Variants in UBE2E2 observed in about 807,000 individuals in gnomAD.
UBE2E2 encodes ubiquitin conjugating enzyme E2 E2.
In UBE2E2, 6 loss-of-function variants were observed where a neutral mutation model predicts 24.7. That is an observed-to-expected ratio of 0.24 (90% CI 0.13 to 0.48). The LOEUF is 0.48. UBE2E2 is among the 20% of genes least tolerant of loss of function. UBE2E2 has a pLI of 0.99. For synonymous variants in UBE2E2, 104 were observed against 83.6 expected (o/e 1.24, Z -1.33); for missense variants, 169 against 245.0 (o/e 0.69, Z 2.07).
chr3:23,554,248 A>G (rs1188122482), intron 5 of UBE2E2, among the ~76,000 whole-genome samples: 1 of 152,200 alleles, frequency 6.6e-6, no homozygotes, highest in Non-Finnish European at 1.5e-5. Context: ...ATAAATCCAA[A>G]CATATATGGG....
At chr3:23,535,708 C>G (rs1221709749) in intron 5 of UBE2E2, among the ~76,000 whole-genome samples, 2 of 145,152 alleles carry the variant, frequency 1.4e-5, no homozygotes, top group Non-Finnish European at 3.0e-5. Flanking sequence ...ACTGCATCCT[C>G]TCCTCCCGGG....
chr3:23,281,061 C>T (rs184599837), intron 3 of UBE2E2, among the ~76,000 whole-genome samples: 15 of 152,276 alleles, frequency 9.9e-5, no homozygotes, highest in South Asian at 6.2e-4. Context: ...CTAATCCCAT[C>T]GTCAGGGACC....
At chr3:23,416,971 T>C (rs570186352) in intron 3 of UBE2E2, among the ~76,000 whole-genome samples, 6 of 152,328 alleles carry the variant, frequency 3.9e-5, no homozygotes, top group African/African-American at 1.4e-4. Context: ...TCAAGGTTCT[T>C]AGCTTCCTTG....
intron 3 of UBE2E2, among the ~76,000 whole-genome samples, chr3:23,480,167 C>T (rs980013802): frequency 1.3e-5 from 2 of 152,206 alleles, no homozygotes; most frequent in Non-Finnish European, 2.9e-5. Flanking sequence ...CCCGGCCTCC[C>T]TCCTGCACTC....
At chr3:23,340,337 G>A (rs938638571) in intron 3 of UBE2E2, among the ~76,000 whole-genome samples, 4 of 152,100 alleles carry the variant, frequency 2.6e-5, no homozygotes, top group African/African-American at 4.8e-5. Context: ...ATGGAAAAGT[G>A]AGGAAAAATA....
chr3:23,238,008 C>T (rs565833044), intron 3 of UBE2E2, among the ~76,000 whole-genome samples: 50 of 152,124 alleles, frequency 3.3e-4, no homozygotes, highest in African/African-American at 1.1e-3. Flanking sequence ...TAAATACATT[C>T]AGGACTCACA....
In UBE2E2 at chr3:23,357,671, T is replaced by C. The variant is rs576099762; in HGVS notation, c.227+140359T>C. Among the ~76,000 whole-genome samples the C allele has an allele frequency of 1.8e-4, 28 of 152,226 alleles. No individual in the cohort carries two copies. The South Asian group carries it at 5.8e-3, about 32-fold the overall frequency. On this transcript the variant is annotated intron_variant, in intron 3 of 5. Coordinates refer to ENST00000396703, the MANE Select transcript of UBE2E2 (RefSeq NM_152653.4). ...TTCTGTTTCCAGAAAACAGTAAATA[T>C]ATTGAATGGAGAGACCATTAAAAGA...
chr3:23,538,328 C>T (rs1695313302), intron 5 of UBE2E2, among the ~76,000 whole-genome samples: 1 of 152,178 alleles, frequency 6.6e-6, no homozygotes, highest in Admixed American at 6.5e-5. Flanking sequence ...CTAATCAATA[C>T]TTCCAAATAT....
chr3:23,487,333 C>T lies in UBE2E2; in HGVS notation c.228-12275C>T, dbSNP rs552291600. ...CCAGGTCCTGAGAGCACAGGGATAT[C>T]CGAGTCAGAACCACTGCTGGGCAGC... is the stretch of plus-strand genomic sequence containing the variant. On this transcript the variant is annotated intron_variant, in intron 3 of 5. Coordinates refer to ENST00000396703, the MANE Select transcript of UBE2E2 (RefSeq NM_152653.4). 2.6e-5 allele frequency among the ~76,000 whole-genome samples: 4 copies of T among 152,322 alleles called. No individual in the cohort carries two copies. In the South Asian group the frequency reaches 8.3e-4, roughly 32 times the overall value.
At chr3:23,210,047 C>T (rs1030094360) in intron 2 of UBE2E2, among the ~76,000 whole-genome samples, 2 of 152,082 alleles carry the variant, frequency 1.3e-5, no homozygotes. Context: ...GCTGACCCTT[C>T]TGTTTGCCAG....
At chr3:23,443,961 A>G (rs1193922336) in intron 3 of UBE2E2, among the ~76,000 whole-genome samples, 1 of 152,152 alleles carries the variant, frequency 6.6e-6, no homozygotes, top group Non-Finnish European at 1.5e-5. Context: ...TTTAGACGGG[A>G]CAGTTAGAGA....
At chr3:23,357,364 C>G (rs1695985962) in intron 3 of UBE2E2, among the ~76,000 whole-genome samples, 2 of 152,020 alleles carry the variant, frequency 1.3e-5, no homozygotes, top group Admixed American at 1.3e-4. Context: ...AGGTTATTTA[C>G]TGAATCTTGA....
At chr3:23,470,001 C>T (rs761326774) in intron 3 of UBE2E2, among the ~76,000 whole-genome samples, 11 of 152,288 alleles carry the variant, frequency 7.2e-5, no homozygotes, top group Non-Finnish European at 7.3e-5. Flanking sequence ...TCCAGTAATA[C>T]TAATGTGAGT....
intron 3 of UBE2E2, among the ~76,000 whole-genome samples, chr3:23,381,386 G>GA (rs1696668251): frequency 6.7e-6 from 1 of 148,908 alleles, no homozygotes; most frequent in Admixed American, 6.7e-5. Flanking sequence ...CCATGGAGAA[G>GA]AAAAAAATGT....
intron 3 of UBE2E2, among the ~76,000 whole-genome samples, chr3:23,314,612 C>A (rs1694521086): frequency 6.6e-6 from 1 of 152,154 alleles, no homozygotes; most frequent in African/African-American, 2.4e-5. Context: ...TTGAAGAATT[C>A]CTTTAGCATT....
At chr3:23,367,341 G>A (rs1334115524) in intron 3 of UBE2E2, among the ~76,000 whole-genome samples, 1 of 152,126 alleles carries the variant, frequency 6.6e-6, no homozygotes, top group South Asian at 2.1e-4. Flanking sequence ...GCTTCATGAT[G>A]GGGGCTGGTC....
At chr3:23,467,884 C>G (rs753378688) in intron 3 of UBE2E2, among the ~76,000 whole-genome samples, 4 of 152,158 alleles carry the variant, frequency 2.6e-5, no homozygotes, top group Non-Finnish European at 4.4e-5. Flanking sequence ...TTCACATGGC[C>G]TGCAGGAGAG....
At chr3:23,511,788 A>T (rs1694599646) in intron 4 of UBE2E2, among the ~76,000 whole-genome samples, 1 of 152,192 alleles carries the variant, frequency 6.6e-6, no homozygotes, top group Non-Finnish European at 1.5e-5. Flanking sequence ...TTATATAATA[A>T]TACCTCATAA....
intron 2 of UBE2E2, among the ~76,000 whole-genome samples, chr3:23,216,007 T>A (rs929649151): frequency 2.0e-5 from 3 of 152,168 alleles, no homozygotes; most frequent in South Asian, 2.1e-4. Context: ...TTAAAAGAGA[T>A]CACGGAGTTT....
Sources: allele counts gnomAD v4.1 joint callset (sites outside exome capture counted in the v4.1 genomes callset), GRCh38; gene constraint gnomAD v4.1.1; transcripts MANE v1.5; gene names NCBI Gene and HGNC (gene_info 2026-07-23, HGNC 2026-07-21).